The following MAST4 variants were observed in gnomAD, a reference collection of about 807,000 sequenced individuals.
MAST4 encodes the protein microtubule associated serine/threonine kinase family member 4, also known as microtubule-associated serine/threonine-protein kinase 4.
A neutral mutation model predicts 162.7 loss-of-function variants in MAST4; 89 were observed. That is an observed-to-expected ratio of 0.55 (90% CI 0.46 to 0.65). The LOEUF (loss-of-function observed/expected upper bound fraction) is 0.65, where lower values mean the gene tolerates loss of function less well. Among genes scored for constraint, MAST4 ranks in the 30% least tolerant of loss-of-function variants. The probability of loss-of-function intolerance (pLI) is 0.00; values close to 1 mark genes in which losing one functional copy is unlikely to be tolerated. For missense variants in MAST4, 3,153 were observed against 3,374.0 expected, an observed-to-expected ratio of 0.93 and a Z score of 1.62; for synonymous variants, 1,479 against 1,361.1, an observed-to-expected ratio of 1.09 and a Z score of -1.91.
chr5:66,903,990 G>A (rs2149990324), intron 4 of MAST4, among the ~76,000 whole-genome samples: 1 of 152,276 alleles, frequency 6.6e-6, no homozygotes, highest in African/African-American at 2.4e-5. Context: ...AATTCAGTGT[G>A]GAACACATCA....
intron 4 of MAST4, among the ~76,000 whole-genome samples, chr5:66,907,349 C>CTCAGAAAGAA (rs1763439809): frequency 6.6e-5 from 10 of 150,786 alleles, no homozygotes; most frequent in African/African-American, 2.5e-4. Context: ...GTGGGCATTA[C>CTCAGAAAGAA]TCAGAAAGAA....
At chr5:66,934,100 A>C (rs1742463272) in intron 4 of MAST4, among the ~76,000 whole-genome samples, 1 of 152,232 alleles carries the variant, frequency 6.6e-6, no homozygotes, top group Non-Finnish European at 1.5e-5. Context: ...CAAAAAAAGT[A>C]GCATGTAAAG....
At chr5:67,112,777 A>G (rs1766400271) in intron 11 of MAST4, among the ~76,000 whole-genome samples, 1 of 152,108 alleles carries the variant, frequency 6.6e-6, no homozygotes, top group African/African-American at 2.4e-5. Flanking sequence ...GCTTCATTAC[A>G]TAGGCATGTT....
intron 1 of MAST4, among the ~76,000 whole-genome samples, chr5:66,757,448 G>A (rs1031313330): frequency 7.2e-5 from 11 of 152,176 alleles, no homozygotes; most frequent in African/African-American, 2.7e-4. Context: ...TTTGTCTTGT[G>A]ATGTAAAAGT....
chr5:67,058,873 A>T (rs1759195774), intron 5 of MAST4, among the ~76,000 whole-genome samples: 1 of 152,268 alleles, frequency 6.6e-6, no homozygotes. Flanking sequence ...AGAAAACAAC[A>T]TAATATCTGC....
rs1742292857 is a variant in MAST4 at position 66,597,733 on chromosome 5, C to T, written c.363+715C>T. On this transcript the variant is annotated intron_variant, in intron 1 of 28. Coordinates refer to ENST00000403625, the MANE Select transcript of MAST4 (RefSeq NM_001164664.2). Reference sequence around the variant, plus strand: ...AGCGGGGTGGGGGATCTGTATCTGCCCAGTTTCCTGGAAGGATGTTCCTCC... The same window carrying T: ...AGCGGGGTGGGGGATCTGTATCTGCTCAGTTTCCTGGAAGGATGTTCCTCC... Among the ~76,000 whole-genome samples the T allele has an allele frequency of 2.0e-5, 3 of 152,130 alleles. No homozygotes were observed. The South Asian group carries it at 6.2e-4, about 32-fold the overall frequency.
At chr5:66,988,983 C>A (rs937887766) in intron 4 of MAST4, among the ~76,000 whole-genome samples, 11 of 152,134 alleles carry the variant, frequency 7.2e-5, no homozygotes, top group Non-Finnish European at 1.2e-4. Flanking sequence ...ATTTAATGCT[C>A]ACAAAAACGT....
At chr5:66,998,092 A>G (rs1750876866) in intron 4 of MAST4, among the ~76,000 whole-genome samples, 1 of 152,242 alleles carries the variant, frequency 6.6e-6, no homozygotes, top group Non-Finnish European at 1.5e-5. Context: ...TATTCAAGAA[A>G]AGAAGAACGG....
Position 66,844,949 on chromosome 5 carries a change from T to A in MAST4, c.643-55002T>A, listed in dbSNP as rs1321556687. Among the ~76,000 whole-genome samples the A allele has an allele frequency of 3.3e-5, 5 of 151,340 alleles. No individual in the cohort carries two copies. The South Asian group carries it at 8.4e-4, about 25-fold the overall frequency. On this transcript the variant is annotated intron_variant, in intron 3 of 28. Transcript: ENST00000403625. Reference sequence around the variant, plus strand: ...GAGAAGGATGCAAATGGCCTAGAGATAACAATCTAGGTGTCATTATCTTAT... The same window carrying A: ...GAGAAGGATGCAAATGGCCTAGAGAAAACAATCTAGGTGTCATTATCTTAT...
At chr5:66,735,829 A>G (rs1752122746) in intron 1 of MAST4, among the ~76,000 whole-genome samples, 1 of 152,138 alleles carries the variant, frequency 6.6e-6, no homozygotes, top group Non-Finnish European at 1.5e-5. Flanking sequence ...CAGAGTAATT[A>G]CTCGAGAAAT....
chr5:67,008,650 A>G (rs1020391316), intron 4 of MAST4, among the ~76,000 whole-genome samples: 4 of 152,148 alleles, frequency 2.6e-5, no homozygotes, highest in African/African-American at 7.2e-5. Flanking sequence ...AATCAATAAA[A>G]CCATTTTCCA....
intron 4 of MAST4, among the ~76,000 whole-genome samples, chr5:67,015,675 A>G (rs1211773475): frequency 6.6e-6 from 1 of 152,196 alleles, no homozygotes; most frequent in Non-Finnish European, 1.5e-5. Context: ...GGCTGCCTAA[A>G]GAGGAGCACT....
chr5:67,104,712 A>AG, intron 10 of MAST4, 137 bp downstream of exon 10: 1 of 634,458 alleles, frequency 1.6e-6, no homozygotes, highest in Non-Finnish European at 2.7e-6. Flanking sequence ...AAAAAAAAAA[A>AG]CTCACCTGAT....
At chr5:67,078,929 T>TAA (rs1449621572) in intron 5 of MAST4, among the ~76,000 whole-genome samples, 2 of 67,218 alleles carry the variant, frequency 3.0e-5, no homozygotes, top group South Asian at 4.2e-4. Context: ...TATATATATA[T>TAA]ATATATATAT....
At chr5:66,667,197 G>A (rs968088656) in intron 1 of MAST4, among the ~76,000 whole-genome samples, 4 of 152,162 alleles carry the variant, frequency 2.6e-5, no homozygotes, top group Non-Finnish European at 5.9e-5. Context: ...TTTAGACCAT[G>A]AGTTATATAT....
At chr5:67,038,738 AAAAAT>A (rs747770437) in intron 4 of MAST4, among the ~76,000 whole-genome samples, 1 of 152,310 alleles carries the variant, frequency 6.6e-6, no homozygotes, top group South Asian at 2.1e-4. Context: ...ATTTTTTTTA[AAAAAT>A]AAAATGAAAA....
intron 4 of MAST4, among the ~76,000 whole-genome samples, chr5:66,915,138 C>T (rs1764024031): frequency 6.6e-6 from 1 of 151,916 alleles, no homozygotes; most frequent in Non-Finnish European, 1.5e-5. Flanking sequence ...GGGTGGCACA[C>T]ACTTGTAATC....
At chr5:66,698,002 G>T (rs762423801) in intron 1 of MAST4, among the ~76,000 whole-genome samples, 15 of 151,142 alleles carry the variant, frequency 9.9e-5, no homozygotes, top group Non-Finnish European at 1.8e-4. Flanking sequence ...ACCACTTTCT[G>T]TCCTTCCACT....
chr5:67,134,483 C>G, intron 17 of MAST4, 40 bp from the exon 18 acceptor site: 1 of 1,577,640 alleles, frequency 6.3e-7, no homozygotes, highest in Non-Finnish European at 8.7e-7. Context: ...TAATTCATGT[C>G]TAATATTCCA....
Sources: gnomAD v4.1 joint callset for allele counts (sites outside exome capture counted in the v4.1 genomes callset) on GRCh38, gnomAD v4.1.1 for gene constraint, MANE v1.5 for transcripts, NCBI Gene and HGNC (gene_info 2026-07-23, HGNC 2026-07-21) for gene names.